COL11A1: variants seen among roughly 807,000 people sequenced by gnomAD.
The protein encoded by COL11A1 is collagen type XI alpha 1 chain.
Under a neutral mutation model 265.2 loss-of-function variants are expected in COL11A1, and 74 were observed. That is an observed-to-expected ratio of 0.28 (90% CI 0.23 to 0.34). The LOEUF is 0.34. Ranked by LOEUF, COL11A1 falls within the 10% of genes least tolerant of loss-of-function variation. The pLI is 1.00. For missense variants in COL11A1, 2,165 were observed against 2,263.6 expected, an observed-to-expected ratio of 0.96 and a Z score of 0.88; for synonymous variants, 816 against 727.6, an observed-to-expected ratio of 1.12 and a Z score of -1.96.
intron 8 of COL11A1, among the ~76,000 whole-genome samples, chr1:103,022,135 C>T (rs866285924): frequency 3.3e-5 from 5 of 151,240 alleles, no homozygotes; most frequent in East Asian, 3.9e-4. Context: ...GGATTACAGG[C>T]GTGAACCAAA....
intron 4 of COL11A1, among the ~76,000 whole-genome samples, chr1:103,069,345 G>A (rs1671392023): frequency 6.6e-6 from 1 of 151,716 alleles, no homozygotes; most frequent in African/African-American, 2.4e-5. Context: ...TGAATGAACT[G>A]GATATGATTA....
At chr1:103,006,727 T>C (rs1665661190) in intron 15 of COL11A1, among the ~76,000 whole-genome samples, 2 of 151,792 alleles carry the variant, frequency 1.3e-5, no homozygotes, top group African/African-American at 4.8e-5. Flanking sequence ...TTAGTAGAGA[T>C]GGGGTTTCAC....
At chr1:102,978,968 A>G (rs1662775550) in intron 33 of COL11A1, 55 bp from the exon 34 acceptor site, 1 of 1,610,656 alleles carries the variant, frequency 6.2e-7, no homozygotes, top group Middle Eastern at 1.7e-4. Flanking sequence ...ATCCAAAGAC[A>G]CTAAATCAAT....
At chr1:103,053,817 A>G (rs1370158382) in intron 4 of COL11A1, among the ~76,000 whole-genome samples, 1 of 152,238 alleles carries the variant, frequency 6.6e-6, no homozygotes, top group Non-Finnish European at 1.5e-5. Context: ...ACTTATTGCC[A>G]TAAAAACATC....
intron 57 of COL11A1, among the ~76,000 whole-genome samples, chr1:102,891,953 T>C (rs1294076064): frequency 6.6e-6 from 1 of 152,056 alleles, no homozygotes; most frequent in African/African-American, 2.4e-5. Flanking sequence ...ACTACAATTT[T>C]GAAGACAACA....
At chr1:103,006,749 C>T (rs1241900035) in intron 15 of COL11A1, among the ~76,000 whole-genome samples, 1 of 151,722 alleles carries the variant, frequency 6.6e-6, no homozygotes, top group Non-Finnish European at 1.5e-5. Flanking sequence ...AGCATGGTCT[C>T]GGTCTCCTGA....
At chr1:102,934,581 C>A (rs1194309702) in intron 45 of COL11A1, 25 bp from the exon 46 acceptor site, 1 of 1,554,614 alleles carries the variant, frequency 6.4e-7, no homozygotes, top group Non-Finnish European at 8.9e-7. Context: ...GAAACATTAT[C>A]ACAAACTGGA....
chr1:103,007,586 G>C (rs553032578), intron 15 of COL11A1, among the ~76,000 whole-genome samples: 1 of 152,142 alleles, frequency 6.6e-6, no homozygotes, highest in East Asian at 1.9e-4. Context: ...GACCCAGCGC[G>C]GTGAATCATT....
intron 42 of COL11A1, among the ~76,000 whole-genome samples, chr1:102,946,517 T>C (rs937475429): frequency 2.0e-4 from 31 of 151,992 alleles, no homozygotes; most frequent in African/African-American, 7.0e-4. Context: ...TGTAAAAAGT[T>C]CACACTTTTC....
chr1:103,059,302 A>C (rs1024063129), intron 4 of COL11A1, among the ~76,000 whole-genome samples: 1 of 152,144 alleles, frequency 6.6e-6, no homozygotes, highest in Admixed American at 6.5e-5. Flanking sequence ...AGGGACTGTG[A>C]AGCACTGATA....
rs189589239 is a variant in COL11A1 at position 102,943,653 on chromosome 1, C to A, written c.3276+3196G>T. On this transcript the variant is annotated intron_variant, in intron 42 of 66. Transcript: ENST00000370096. ...CATCACTCTTATTTTAAATGACTCC[C>A]AGACTTACAATTCTGGCACTGATTA... is the stretch of plus-strand genomic sequence containing the variant. 8.5e-4 allele frequency among the ~76,000 whole-genome samples: 129 copies of A among 152,214 alleles called. 1 individual carries two copies. Among genetic ancestry groups the A allele is most frequent in the Middle Eastern group, 6.8e-3 (2 of 294 alleles).
At position 102,971,146 on chromosome 1, in the gene COL11A1, A is replaced by G. The variant is rs1373233876; in HGVS notation, c.2809-874T>C. The stretch of plus-strand genomic sequence containing the variant: ...CTCAATTCTAGAAGTCATCAGGACA[A>G]ATTTTTCCCAGTAGATTTTCTTAAA... On this transcript the variant is annotated intron_variant, in intron 36 of 66. Coordinates refer to ENST00000370096, the MANE Select transcript of COL11A1 (RefSeq NM_001854.4). Among the ~76,000 whole-genome samples, 3 of 152,236 alleles carry G rather than the reference A, an allele frequency of 2.0e-5. 1 individual carries two copies. The highest frequency in any genetic ancestry group is 4.4e-5 in the Non-Finnish European group (3 of 68,038).
At chr1:102,907,853 G>T (rs1461614458) in intron 54 of COL11A1, among the ~76,000 whole-genome samples, 2 of 151,918 alleles carry the variant, frequency 1.3e-5, no homozygotes, top group African/African-American at 4.8e-5. Flanking sequence ...TATTAACAAG[G>T]ATAACAAAAC....
chr1:103,033,493 T>G (rs6667609), intron 4 of COL11A1, among the ~76,000 whole-genome samples: 142,386 of 152,056 alleles, frequency 0.94, 66,902 homozygotes, highest in East Asian at 1. Flanking sequence ...ACAAAAATGT[T>G]ATCTTATGTA....
At chr1:103,058,283 A>G (rs988183414) in intron 4 of COL11A1, among the ~76,000 whole-genome samples, 2 of 152,104 alleles carry the variant, frequency 1.3e-5, no homozygotes, top group African/African-American at 4.8e-5. Context: ...AATTGAAGAG[A>G]GTTAAGGCCT....
chr1:102,951,673 G>A (rs1659895315), intron 41 of COL11A1, among the ~76,000 whole-genome samples: 1 of 152,206 alleles, frequency 6.6e-6, no homozygotes, highest in South Asian at 2.1e-4. Flanking sequence ...CCGGGAGGTG[G>A]AGCTTGCAGT....
At chr1:102,927,457 C>T (rs555310150) in intron 46 of COL11A1, among the ~76,000 whole-genome samples, 2 of 152,268 alleles carry the variant, frequency 1.3e-5, no homozygotes, top group African/African-American at 4.8e-5. Flanking sequence ...TGGCTCACGC[C>T]TGTAATCCCA....
chr1:102,985,381 G>A (rs1362076292), intron 30 of COL11A1, among the ~76,000 whole-genome samples: 4 of 152,060 alleles, frequency 2.6e-5, no homozygotes, highest in African/African-American at 7.2e-5. Flanking sequence ...GTCATGATCA[G>A]CATTACATAG....
intron 11 of COL11A1, 75 bp downstream of exon 11, chr1:103,017,745 C>CA: frequency 7.8e-7 from 1 of 1,284,084 alleles, no homozygotes; most frequent in Non-Finnish European, 1.1e-6. Flanking sequence ...ACATGTTATA[C>CA]TTGTAGAATA....
Sources: allele counts gnomAD v4.1 joint callset (sites outside exome capture counted in the v4.1 genomes callset), GRCh38; gene constraint gnomAD v4.1.1; transcripts MANE v1.5; gene names NCBI Gene and HGNC (gene_info 2026-07-23, HGNC 2026-07-21).